C5: variants seen among roughly 807,000 people sequenced by gnomAD.
C5 encodes complement C5.
In C5, 140 loss-of-function variants were observed where a neutral mutation model predicts 218.8. That is an observed-to-expected ratio of 0.64 (90% CI 0.56 to 0.74). The LOEUF (loss-of-function observed/expected upper bound fraction) is 0.74. Among genes scored for constraint, C5 ranks in the 30% least tolerant of loss-of-function variants. C5 has a pLI of 0.00. For missense variants in C5, 1,700 were observed against 1,969.6 expected (o/e 0.86, Z 2.59); for synonymous variants, 614 against 682.3 (o/e 0.90, Z 1.56).
chr9:121,003,808 T>C (rs1158516533), intron 20 of C5, among the ~76,000 whole-genome samples: 4 of 152,168 alleles, frequency 2.6e-5, no homozygotes, highest in Non-Finnish European at 4.4e-5. Context: ...TTTCTAACAA[T>C]AAATAACATT....
At chr9:120,970,951 C>T in intron 31 of C5, among the ~76,000 whole-genome samples, 1 of 152,068 alleles carries the variant, frequency 6.6e-6, no homozygotes, top group Middle Eastern at 3.2e-3. Flanking sequence ...GTGGACGGAT[C>T]ACTTGAGGTC....
At chr9:120,959,476 G>T (rs574238990) in intron 38 of C5, among the ~76,000 whole-genome samples, 5 of 151,470 alleles carry the variant, frequency 3.3e-5, no homozygotes, top group Non-Finnish European at 7.4e-5. Context: ...CCCCAGGCTG[G>T]TCTCAAACTC....
chr9:121,068,808 A>T, the C5 span, among the ~76,000 whole-genome samples: 1 of 152,170 alleles, frequency 6.6e-6, no homozygotes. Flanking sequence ...AGCATAGAGG[A>T]CTCAGAAATT....
At chr9:121,024,483 A>C (rs2047402313) in intron 9 of C5, among the ~76,000 whole-genome samples, 1 of 151,868 alleles carries the variant, frequency 6.6e-6, no homozygotes, top group South Asian at 2.1e-4. Flanking sequence ...ATATTCCCAA[A>C]CTCCTTTCCA....
chr9:121,058,236 G>A, the C5 span, among the ~76,000 whole-genome samples: 10 of 152,060 alleles, frequency 6.6e-5, no homozygotes. Context: ...CATGCAGAAG[G>A]GTGTTATTAC....
the C5 span, among the ~76,000 whole-genome samples, chr9:121,064,286 T>C: frequency 1.3e-5 from 2 of 152,188 alleles, no homozygotes; most frequent in Non-Finnish European, 2.9e-5. Context: ...AGATATTGTC[T>C]ACTCTGTCCA....
intron 20 of C5, among the ~76,000 whole-genome samples, chr9:121,000,597 A>T (rs2047153374): frequency 6.6e-6 from 1 of 152,208 alleles, no homozygotes; most frequent in African/African-American, 2.4e-5. Flanking sequence ...TTGGGATTAG[A>T]TCCTTATTTC....
At chr9:121,038,590 A>G (rs941463469) in intron 3 of C5, among the ~76,000 whole-genome samples, 2 of 152,156 alleles carry the variant, frequency 1.3e-5, no homozygotes. Context: ...ATAGATCCCT[A>G]CTTTTTAAAC....
intron 4 of C5, 113 bp from the exon 5 acceptor site, chr9:121,035,007 A>G: frequency 1.6e-6 from 1 of 618,856 alleles, no homozygotes; most frequent in Non-Finnish European, 2.9e-6. Context: ...TTGAAGACAA[A>G]TACCCATGTC....
chr9:120,964,494 C>G (rs1328212435), intron 33 of C5, among the ~76,000 whole-genome samples: 2 of 152,078 alleles, frequency 1.3e-5, no homozygotes, highest in Non-Finnish European at 2.9e-5. Flanking sequence ...CAAACAAACC[C>G]ACAAATATTA....
chr9:121,070,161 T>A, the C5 span, among the ~76,000 whole-genome samples: 3 of 151,800 alleles, frequency 2.0e-5, no homozygotes, highest in Admixed American at 2.0e-4. Context: ...AGTTCGAGAC[T>A]AGCCTGACCA....
chr9:121,034,993 A>G (rs959636793), intron 4 of C5, 99 bp from the exon 5 acceptor site: 1 of 644,382 alleles, frequency 1.6e-6, no homozygotes, highest in Non-Finnish European at 2.7e-6. Flanking sequence ...TATAGATCAA[A>G]TATTTGAAGA....
At chr9:120,969,033 A>G (rs376424704) in intron 33 of C5, 28 bp downstream of exon 33, 5 of 1,593,676 alleles carry the variant, frequency 3.1e-6, no homozygotes, top group South Asian at 2.2e-5. Flanking sequence ...CTTGGAGTCT[A>G]TGCTCCCCTT....
Position 121,005,851 on chromosome 9 carries a change from C to T in C5, c.2562+68G>A, listed in dbSNP as rs2131738755. 5 of 1,508,070 alleles carry T rather than the reference C, an allele frequency of 3.3e-6. No individual in the cohort carries two copies. In the East Asian group the frequency reaches 9.1e-5, roughly 27 times the overall value. The allele number at this position is 1,508,070 out of a possible 1,614,324, so 93.4% of individuals were successfully genotyped here. On this transcript the variant is annotated intron_variant, in intron 20 of 40. Coordinates refer to ENST00000223642, the MANE Select transcript of C5 (RefSeq NM_001735.3). ...TTCTACTTTTTTGTGTATGGTAATT[C>T]CACTAATAGAATTCTCAGAAAACCA...
intron 9 of C5, among the ~76,000 whole-genome samples, chr9:121,024,685 A>G (rs1216341192): frequency 6.6e-6 from 1 of 152,120 alleles, no homozygotes; most frequent in Admixed American, 6.5e-5. Flanking sequence ...CATCTTCACA[A>G]CACTGTTCTT....
the C5 span, among the ~76,000 whole-genome samples, chr9:121,067,843 A>G: frequency 6.6e-6 from 1 of 152,084 alleles, no homozygotes. Flanking sequence ...GCCTTCCACC[A>G]TAATTTTAAG....
chr9:120,983,003 G>A (rs1016069319), intron 25 of C5, among the ~76,000 whole-genome samples, 189 bp from the exon 26 acceptor site: 2 of 152,138 alleles, frequency 1.3e-5, no homozygotes, highest in Non-Finnish European at 2.9e-5. Flanking sequence ...AAACAAATGT[G>A]AACAGCACAT....
intron 40 of C5, among the ~76,000 whole-genome samples, chr9:120,953,380 T>C (rs960606306): frequency 1.3e-5 from 2 of 152,254 alleles, no homozygotes; most frequent in African/African-American, 4.8e-5. Context: ...AAAGTACATC[T>C]ATTTCAATGA....
At chr9:121,010,210 T>G (rs1045289537) in intron 17 of C5, among the ~76,000 whole-genome samples, 4 of 152,178 alleles carry the variant, frequency 2.6e-5, no homozygotes, top group Non-Finnish European at 5.9e-5. Flanking sequence ...TGTATGCAAA[T>G]GATATGATCA....
Sources: gnomAD v4.1 joint callset for allele counts (sites outside exome capture counted in the v4.1 genomes callset) on GRCh38, gnomAD v4.1.1 for gene constraint, MANE v1.5 for transcripts, NCBI Gene and HGNC (gene_info 2026-07-23, HGNC 2026-07-21) for gene names.